Variants in SPMIP11 observed in about 807,000 individuals in gnomAD.
SPMIP11 encodes the protein sperm microtubule inner protein 11.
chr12:48,768,236 A>G, the SPMIP11 span: 1 of 362,252 alleles, frequency 2.8e-6, no homozygotes, highest in Non-Finnish European at 5.2e-6. Context: ...CTGCCCAGAC[A>G]GACAGGGAAG....
chr12:48,730,045 G>A, the SPMIP11 span, among the ~76,000 whole-genome samples: 4 of 151,948 alleles, frequency 2.6e-5, no homozygotes, highest in African/African-American at 7.3e-5. Flanking sequence ...AGCCTCTCCT[G>A]GCTGCTCCAA....
At chr12:48,757,929 T>C in the SPMIP11 span, among the ~76,000 whole-genome samples, 1 of 150,804 alleles carries the variant, frequency 6.6e-6, no homozygotes, top group Non-Finnish European at 1.5e-5. Context: ...GGCAGATAGA[T>C]GTTGCAGTGA....
At chr12:48,761,085 T>C in the SPMIP11 span, among the ~76,000 whole-genome samples, 1 of 152,156 alleles carries the variant, frequency 6.6e-6, no homozygotes, top group East Asian at 1.9e-4. Flanking sequence ...TTAGCACTAT[T>C]GTCAAGAGAG....
the SPMIP11 span, among the ~76,000 whole-genome samples, chr12:48,741,432 A>G: frequency 4.6e-5 from 7 of 152,034 alleles, no homozygotes; most frequent in African/African-American, 1.7e-4. Flanking sequence ...GTTTCTCATG[A>G]TTAGATTGAG....
chr12:48,759,231 T>G, the SPMIP11 span: 3 of 702,994 alleles, frequency 4.3e-6, no homozygotes, highest in Non-Finnish European at 7.8e-6. Context: ...CAGAGCCTAC[T>G]AGGCTTCCCC....
chr12:48,759,179 G>A, the SPMIP11 span: 3 of 701,860 alleles, frequency 4.3e-6, no homozygotes, highest in East Asian at 2.7e-5. Flanking sequence ...CATTTGCCAA[G>A]TACTCAGAAC....
At chr12:48,735,396 T>C in the SPMIP11 span, among the ~76,000 whole-genome samples, 1 of 151,148 alleles carries the variant, frequency 6.6e-6, no homozygotes, top group East Asian at 1.9e-4. Flanking sequence ...TCACCTGAGG[T>C]CAAGAGTTTG....
the SPMIP11 span, among the ~76,000 whole-genome samples, chr12:48,751,592 G>A: frequency 1.3e-5 from 2 of 152,150 alleles, no homozygotes. Flanking sequence ...GTGACAGAGT[G>A]AGACTGACTC....
At chr12:48,738,647 G>A in the SPMIP11 span, among the ~76,000 whole-genome samples, 5 of 151,206 alleles carry the variant, frequency 3.3e-5, no homozygotes, top group Non-Finnish European at 7.4e-5. Flanking sequence ...CCATTCTCCT[G>A]CCTCAGCCTC....
chr12:48,729,071 G>C, the SPMIP11 span, among the ~76,000 whole-genome samples: 1 of 152,194 alleles, frequency 6.6e-6, no homozygotes, highest in African/African-American at 2.4e-5. Context: ...GCTAGGGGAG[G>C]CTTTACAGGA....
At chr12:48,749,545 G>C in the SPMIP11 span, among the ~76,000 whole-genome samples, 1 of 147,232 alleles carries the variant, frequency 6.8e-6, no homozygotes, top group East Asian at 2.1e-4. Context: ...GGAGGCAGGA[G>C]AATTGCTTGA....
chr12:48,760,926 T>C, the SPMIP11 span, among the ~76,000 whole-genome samples: 1 of 152,232 alleles, frequency 6.6e-6, no homozygotes, highest in Non-Finnish European at 1.5e-5. Context: ...ATATTGTATA[T>C]TATCATGCAT....
chr12:48,765,580 A>C, the SPMIP11 span: 1 of 702,816 alleles, frequency 1.4e-6, no homozygotes, highest in Admixed American at 2.0e-5. Context: ...GCCTGGCTGA[A>C]TCTCTCTCTG....
At chr12:48,759,102 G>A in the SPMIP11 span, 3 of 644,420 alleles carry the variant, frequency 4.7e-6, no homozygotes, top group East Asian at 8.3e-5. Flanking sequence ...GGATGTGAGT[G>A]GCTAGGAGAG....
the SPMIP11 span, among the ~76,000 whole-genome samples, chr12:48,745,433 C>T: frequency 3.5e-4 from 53 of 152,122 alleles, 1 homozygote; most frequent in African/African-American, 1.2e-3. Context: ...GGTGAAACCC[C>T]GTCTCTACTA....
chr12:48,759,396 G>A, the SPMIP11 span: 1 of 693,826 alleles, frequency 1.4e-6, no homozygotes, highest in Admixed American at 2.0e-5. Context: ...CCTAAAGAAT[G>A]GCTGGGATGA....
chr12:48,753,119 T>C, the SPMIP11 span, among the ~76,000 whole-genome samples: 2 of 152,236 alleles, frequency 1.3e-5, no homozygotes, highest in East Asian at 1.9e-4. Context: ...AGCCTAGCTC[T>C]CACCATAACA....
the SPMIP11 span, among the ~76,000 whole-genome samples, chr12:48,741,926 A>G: frequency 6.6e-6 from 1 of 152,182 alleles, no homozygotes; most frequent in African/African-American, 2.4e-5. Flanking sequence ...GGCGTGAGCC[A>G]TTGCACCCAG....
chr12:48,738,758 C>G, the SPMIP11 span, among the ~76,000 whole-genome samples: 2 of 152,036 alleles, frequency 1.3e-5, no homozygotes, highest in East Asian at 3.9e-4. Context: ...ATTTTTATGA[C>G]TTAGTCTCAG....
Sources: allele counts gnomAD v4.1 joint callset (sites outside exome capture counted in the v4.1 genomes callset), GRCh38; gene constraint gnomAD v4.1.1; transcripts MANE v1.5; gene names NCBI Gene and HGNC (gene_info 2026-07-23, HGNC 2026-07-21).